The following PAPPA2 variants were observed in gnomAD, a reference collection of about 807,000 sequenced individuals.
PAPPA2 encodes pappalysin-2.
A neutral mutation model predicts 176.4 loss-of-function variants in PAPPA2; 86 were observed. The observed-to-expected ratio is 0.49, with a 90% CI of 0.41 to 0.58. The LOEUF is 0.58. Ranked by LOEUF, PAPPA2 falls within the 20% of genes least tolerant of loss-of-function variation. The pLI is 0.00. For missense variants in PAPPA2, 2,073 were observed against 2,256.9 expected (o/e 0.92, Z 1.65); for synonymous variants, 809 against 852.2 (o/e 0.95, Z 0.88).
chr1:176,488,318 CATCT>C (rs1430718037), intron 1 of PAPPA2, among the ~76,000 whole-genome samples: 1 of 152,004 alleles, frequency 6.6e-6, no homozygotes, highest in Non-Finnish European at 1.5e-5. Context: ...TGAGATTTTA[CATCT>C]ATCTATCATC....
At chr1:176,764,181 G>T (rs1571291623) in intron 14 of PAPPA2, among the ~76,000 whole-genome samples, 1 of 152,052 alleles carries the variant, frequency 6.6e-6, no homozygotes, top group Non-Finnish European at 1.5e-5. Flanking sequence ...CTTCCACTAG[G>T]CCCCACCTAC....
At chr1:176,579,814 C>T (rs1652860302) in intron 2 of PAPPA2, among the ~76,000 whole-genome samples, 2 of 152,164 alleles carry the variant, frequency 1.3e-5, no homozygotes, top group Admixed American at 1.3e-4. Flanking sequence ...TGGTCTGATA[C>T]ACTCAGCTTA....
At chr1:176,619,218 G>A (rs1354220624) in intron 3 of PAPPA2, among the ~76,000 whole-genome samples, 2 of 152,176 alleles carry the variant, frequency 1.3e-5, no homozygotes, top group Admixed American at 6.5e-5. Context: ...TCTTTCACAT[G>A]TGTGCCTTGG....
At position 176,557,064 on chromosome 1, in the gene PAPPA2, T is replaced by C. The variant is rs1167921562; in HGVS notation, c.742T>C (p.Tyr248His). The change falls in exon 2 of 23, where the codon TAC becomes CAC. Residue 248 changes from tyrosine to histidine, a missense_variant. Physicochemically the swap from Tyr to His is moderately conservative, Grantham distance 83. Transcript: ENST00000367662. ...ESNQNGGEGS[Y>H]REAETFNSQV... ...CAACCAAAATGGTGGAGAGGGCTCC[T>C]ACCGAGAAGCAGAGACCTTTAACTC... The C allele has an allele frequency of 2.5e-6, 4 of 1,612,536 alleles. No individual in the cohort carries two copies. Among genetic ancestry groups the C allele is most frequent in the Non-Finnish European group, 3.4e-6 (4 of 1,179,446 alleles).
At chr1:176,614,400 G>T (rs913892004) in intron 3 of PAPPA2, among the ~76,000 whole-genome samples, 1 of 152,170 alleles carries the variant, frequency 6.6e-6, no homozygotes, top group Non-Finnish European at 1.5e-5. Flanking sequence ...AGTCATCCTT[G>T]CTTGAAGCCT....
chr1:176,630,803 G>A (rs542143153), intron 3 of PAPPA2, among the ~76,000 whole-genome samples: 18 of 152,294 alleles, frequency 1.2e-4, no homozygotes, highest in African/African-American at 3.8e-4. Flanking sequence ...GAAGCAGCTC[G>A]TTTGGGAGTG....
intron 14 of PAPPA2, among the ~76,000 whole-genome samples, chr1:176,748,273 T>C (rs1663014680): frequency 6.6e-6 from 1 of 152,224 alleles, no homozygotes; most frequent in African/African-American, 2.4e-5. Flanking sequence ...TGGTTTCAAC[T>C]TACTAGACAG....
intron 14 of PAPPA2, among the ~76,000 whole-genome samples, chr1:176,752,342 TAAAAAAAAAA>T (rs58591760): frequency 1.0e-5 from 1 of 96,488 alleles, no homozygotes; most frequent in Non-Finnish European, 2.1e-5. Flanking sequence ...TAGAGTATAA[TAAAAAAAAAA>T]AAAAAAAAAA....
chr1:176,543,267 G>A (rs1349905776), intron 1 of PAPPA2, among the ~76,000 whole-genome samples: 1 of 152,138 alleles, frequency 6.6e-6, no homozygotes, highest in Non-Finnish European at 1.5e-5. Context: ...AATGGAAAGT[G>A]CTGCTGTCCT....
chr1:176,501,893 C>T (rs1426507097), intron 1 of PAPPA2, among the ~76,000 whole-genome samples: 1 of 152,138 alleles, frequency 6.6e-6, no homozygotes, highest in Non-Finnish European at 1.5e-5. Flanking sequence ...GCAATAGTGA[C>T]ACTGATATCA....
chr1:176,594,449 G>A, intron 2 of PAPPA2, 75 bp from the exon 3 acceptor site: 1 of 1,252,154 alleles, frequency 8.0e-7, no homozygotes, highest in East Asian at 2.4e-5. Flanking sequence ...ATTTACATGG[G>A]CTTTCTTCTC....
At chr1:176,806,203 C>A (rs544235684) in intron 21 of PAPPA2, among the ~76,000 whole-genome samples, 2 of 152,206 alleles carry the variant, frequency 1.3e-5, no homozygotes, top group Admixed American at 1.3e-4. Context: ...CAATGCATAC[C>A]TTTGTAGATG....
At chr1:176,771,786 A>G (rs1330768388) in intron 17 of PAPPA2, among the ~76,000 whole-genome samples, 1 of 152,164 alleles carries the variant, frequency 6.6e-6, no homozygotes, top group East Asian at 1.9e-4. Context: ...GGCAAGAAAC[A>G]CTTTTCCTCC....
chr1:176,692,355 T>C lies in PAPPA2; in HGVS notation c.2624+37T>C, dbSNP rs559368618. The C allele has an allele frequency of 3.9e-6, 6 of 1,536,098 alleles. No individual in the cohort carries two copies. In the African/African-American group the frequency reaches 5.5e-5, roughly 14 times the overall value. On this transcript the variant is annotated intron_variant, in intron 6 of 22. Transcript: ENST00000367662. Reference sequence around the variant, plus strand: ...ACTGGCTGTGGGTGAGCTGGCTTATTTCTCTGTGGCATTTCATATGAATGA... The same window carrying C: ...ACTGGCTGTGGGTGAGCTGGCTTATCTCTCTGTGGCATTTCATATGAATGA...
At chr1:176,538,609 G>A (rs562329757) in intron 1 of PAPPA2, among the ~76,000 whole-genome samples, 35 of 150,648 alleles carry the variant, frequency 2.3e-4, no homozygotes, top group South Asian at 2.1e-4. Context: ...ACCTTTCTCC[G>A]TTTCTTTTTT....
chr1:176,603,800 C>T (rs1654461062), intron 3 of PAPPA2, among the ~76,000 whole-genome samples: 1 of 152,166 alleles, frequency 6.6e-6, no homozygotes, highest in Non-Finnish European at 1.5e-5. Flanking sequence ...ACTGGTCTCC[C>T]ACTTTTGCCC....
At chr1:176,565,573 C>T (rs978073136) in intron 2 of PAPPA2, among the ~76,000 whole-genome samples, 3 of 152,102 alleles carry the variant, frequency 2.0e-5, no homozygotes, top group African/African-American at 7.2e-5. Context: ...CATGCACCTG[C>T]GGTCCCAGCT....
At chr1:176,494,729 T>C (rs1017037367) in intron 1 of PAPPA2, among the ~76,000 whole-genome samples, 1 of 152,136 alleles carries the variant, frequency 6.6e-6, no homozygotes, top group African/African-American at 2.4e-5. Flanking sequence ...CATTCGTCAC[T>C]CTCTCTGCAC....
At position 176,843,444 on chromosome 1, in the gene PAPPA2, A is replaced by T. The variant is rs765629896; in HGVS notation, c.*990A>T. The T allele has an allele frequency of 6.6e-6, 1 of 152,036 alleles. No individual in the cohort carries two copies. Among genetic ancestry groups the T allele is most frequent in the Non-Finnish European group, 1.5e-5 (1 of 68,004 alleles). The allele number at this position is 152,036 out of a possible 1,614,324, so 9.4% of individuals were successfully genotyped here. A position where few individuals can be genotyped will look rare whatever the true frequency, so the allele number is the denominator to read the frequency against. On this transcript the variant is annotated 3_prime_UTR_variant, in exon 23 of 23. Transcript: ENST00000367662. ...AGAACTCCCAACTGGAGTCGGTGAG[A>T]CCTAGGATTTTCTGCACTTCCACAC... is the stretch of plus-strand genomic sequence containing the variant.
Sources: gnomAD v4.1 joint callset for allele counts (sites outside exome capture counted in the v4.1 genomes callset) on GRCh38, gnomAD v4.1.1 for gene constraint, MANE v1.5 for transcripts, NCBI Gene and HGNC (gene_info 2026-07-23, HGNC 2026-07-21) for gene names.